The following LURAP1L variants were observed in gnomAD, a reference collection of about 807,000 sequenced individuals.
LURAP1L encodes leucine rich adaptor protein 1-like.
LURAP1L carries 12 observed loss-of-function variants against 13.8 expected under a neutral mutation model. That is an observed-to-expected ratio of 0.87 (90% CI 0.56 to 1.41). LURAP1L has a LOEUF of 1.41. LURAP1L is among the 40% of genes most tolerant of loss of function. LURAP1L has a pLI of 0.00. For synonymous variants in LURAP1L, 139 were observed against 119.2 expected (o/e 1.17, Z -1.08); for missense variants, 375 against 292.9 (o/e 1.28, Z -2.04).
intron 1 of LURAP1L, among the ~76,000 whole-genome samples, chr9:12,794,122 C>T (rs1033798254): frequency 1.3e-5 from 2 of 152,010 alleles, no homozygotes; most frequent in Non-Finnish European, 1.5e-5. Flanking sequence ...CTGAGTGATT[C>T]GCAGTGGACA....
rs373952049 is a variant in LURAP1L, at chr9:12,780,017, G to A, written c.312+3990G>A. Among the ~76,000 whole-genome samples the A allele has an allele frequency of 5.9e-5, 9 of 152,138 alleles. No homozygotes were observed. The East Asian group carries it at 7.7e-4, about 13-fold the overall frequency. On this transcript the variant is annotated intron_variant, in intron 1 of 1. Transcript: ENST00000319264. ...ACAAGAACTGCCATGAGCAGTTAAA[G>A]GTTCTCCTGACACGACCAGTTCAAG...
At chr9:12,794,049 T>C (rs902059736) in intron 1 of LURAP1L, among the ~76,000 whole-genome samples, 26 of 152,022 alleles carry the variant, frequency 1.7e-4, no homozygotes, top group African/African-American at 5.8e-4. Context: ...TAACCATTAA[T>C]TAAGCCTCCT....
At position 12,822,374 on chromosome 9, in the gene LURAP1L, T is replaced by C. The variant is rs866536799; in HGVS notation, c.*614T>C. On this transcript the variant is annotated 3_prime_UTR_variant, in exon 2 of 2. Coordinates refer to ENST00000319264, the MANE Select transcript of LURAP1L (RefSeq NM_203403.2). Reference sequence around the variant, plus strand: ...CCAACTCACCCTTGTGTTGGTACTTTAGATTAACATTTTGTCATCAGTGAT... The same window carrying C: ...CCAACTCACCCTTGTGTTGGTACTTCAGATTAACATTTTGTCATCAGTGAT... Among the ~76,000 whole-genome samples the C allele has an allele frequency of 1.3e-5, 2 of 152,232 alleles. No homozygotes were observed. The highest frequency in any genetic ancestry group is 6.5e-5 in the Admixed American group (1 of 15,288).
At chr9:12,793,958 T>G (rs568233727) in intron 1 of LURAP1L, among the ~76,000 whole-genome samples, 1 of 152,144 alleles carries the variant, frequency 6.6e-6, no homozygotes, top group Non-Finnish European at 1.5e-5. Context: ...GTTAGAGGCT[T>G]TTAAATAATT....
chr9:12,801,157 A>G (rs1046219373), intron 1 of LURAP1L, among the ~76,000 whole-genome samples: 1 of 152,160 alleles, frequency 6.6e-6, no homozygotes, highest in African/African-American at 2.4e-5. Context: ...GTATAAGCAG[A>G]GAATGTGGCC....
chr9:12,787,720 T>C lies in LURAP1L; in HGVS notation c.312+11693T>C, dbSNP rs139423498. Among the ~76,000 whole-genome samples, 1,376 of 152,228 alleles carry C rather than the reference T, an allele frequency of 9.0e-3. 25 individuals are homozygous for C. Among genetic ancestry groups the C allele is most frequent in the African/African-American group, 0.031 (1,303 of 41,534 alleles). On this transcript the variant is annotated intron_variant, in intron 1 of 1. Transcript: ENST00000319264. ...TTCCAGTTGTTCCTCAAAAGACAATTCCATAATCATTCACCATGGGACAAA... is the reference window on the plus strand; with the variant it reads ...TTCCAGTTGTTCCTCAAAAGACAATCCCATAATCATTCACCATGGGACAAA...
At chr9:12,803,068 C>G (rs1285784689) in intron 1 of LURAP1L, among the ~76,000 whole-genome samples, 1 of 152,186 alleles carries the variant, frequency 6.6e-6, no homozygotes, top group African/African-American at 2.4e-5. Context: ...CCTCTCTCAT[C>G]GATTTCTTCA....
At chr9:12,807,542 G>A (rs1819676712) in intron 1 of LURAP1L, among the ~76,000 whole-genome samples, 1 of 152,080 alleles carries the variant, frequency 6.6e-6, no homozygotes, top group South Asian at 2.1e-4. Context: ...TCCTTCACCT[G>A]CATAGTGAAA....
intron 1 of LURAP1L, among the ~76,000 whole-genome samples, chr9:12,812,230 A>G (rs1441131225): frequency 6.6e-6 from 1 of 152,198 alleles, no homozygotes; most frequent in Admixed American, 6.5e-5. Flanking sequence ...ATACCAGAAG[A>G]GGGTGGTTAT....
intron 1 of LURAP1L, chr9:12,790,694 G>T (rs975639851): frequency 6.6e-6 from 1 of 151,546 alleles, no homozygotes; most frequent in Non-Finnish European, 1.5e-5. Context: ...GTCACTCTCA[G>T]GAACCATTGT....
intron 1 of LURAP1L, among the ~76,000 whole-genome samples, chr9:12,778,800 T>A (rs986193425): frequency 1.3e-5 from 2 of 152,242 alleles, no homozygotes; most frequent in African/African-American, 2.4e-5. Flanking sequence ...GTAGCATGTA[T>A]GAAAGAATTG....
intron 1 of LURAP1L, chr9:12,790,805 T>A (rs947850507): frequency 4.0e-5 from 6 of 151,804 alleles, no homozygotes; most frequent in African/African-American, 9.7e-5. Context: ...GTTTTTGGCA[T>A]CTTCTTTTAC....
At chr9:12,780,792 T>A (rs1241563276) in intron 1 of LURAP1L, among the ~76,000 whole-genome samples, 2 of 152,026 alleles carry the variant, frequency 1.3e-5, no homozygotes, top group South Asian at 2.1e-4. Context: ...AATAATACAG[T>A]AATAAATTGT....
rs148346541 is a variant in LURAP1L at position 12,784,181 on chromosome 9, G to T, written c.312+8154G>T. On this transcript the variant is annotated intron_variant, in intron 1 of 1. Transcript: ENST00000319264. ...AGAGGTCACATATCTCTGTCACTCT[G>T]GGATTGGTTACTGGTGCCCTTATTT... is the stretch of plus-strand genomic sequence containing the variant. Among the ~76,000 whole-genome samples, 6 of 152,178 alleles carry T rather than the reference G, an allele frequency of 3.9e-5. No individual in the cohort carries two copies. In the East Asian group the frequency reaches 1.2e-3, roughly 29 times the overall value.
intron 1 of LURAP1L, among the ~76,000 whole-genome samples, chr9:12,788,187 G>GAAAGAAATAAATAAAGA (rs374048758): frequency 7.3e-6 from 1 of 136,598 alleles, no homozygotes; most frequent in African/African-American, 2.7e-5. Context: ...AAGAAAGAAA[G>GAAAGAAATAAATAAAGA]AAAGAAAAGA....
chr9:12,775,945 C>G lies in LURAP1L; in HGVS notation c.230C>G (p.Pro77Arg), dbSNP rs1293248209. 6.3e-7 allele frequency: 1 copy of G among 1,586,610 alleles called. No individual in the cohort carries two copies. Among genetic ancestry groups the G allele is most frequent in the Non-Finnish European group, 8.6e-7 (1 of 1,166,480 alleles). ...PSLSSSSSSS[P>R]TSGSPRGSHS... ...TTGTCGTCCTCCTCTTCGTCCTCCC[C>G]AACCTCTGGCTCCCCACGAGGTAGC... Residue 77 changes from proline to arginine, a missense_variant, in exon 1 of 2, where the codon CCA becomes CGA. By Grantham distance (103) the Pro-to-Arg change is moderately radical (BLOSUM62 -2). Coordinates refer to ENST00000319264, the MANE Select transcript of LURAP1L (RefSeq NM_203403.2).
chr9:12,811,911 A>G (rs1266799940), intron 1 of LURAP1L, among the ~76,000 whole-genome samples: 1 of 152,170 alleles, frequency 6.6e-6, no homozygotes, highest in African/African-American at 2.4e-5. Flanking sequence ...TCAAGGCTCG[A>G]TCCAGGGAGG....
At chr9:12,783,079 CAACTT>C (rs1819294826) in intron 1 of LURAP1L, among the ~76,000 whole-genome samples, 1 of 151,990 alleles carries the variant, frequency 6.6e-6, no homozygotes, top group Admixed American at 6.6e-5. Flanking sequence ...CAACTTTACT[CAACTT>C]ATCAGTTCTA....
intron 1 of LURAP1L, among the ~76,000 whole-genome samples, chr9:12,786,808 T>C (rs1205560427): frequency 6.6e-6 from 1 of 151,634 alleles, no homozygotes; most frequent in African/African-American, 2.4e-5. Context: ...AATATATAAC[T>C]AATGTGACCT....
Sources: gnomAD v4.1 joint callset for allele counts (sites outside exome capture counted in the v4.1 genomes callset) on GRCh38, gnomAD v4.1.1 for gene constraint, MANE v1.5 for transcripts, NCBI Gene and HGNC (gene_info 2026-07-23, HGNC 2026-07-21) for gene names.